CLDN16: variants seen among roughly 807,000 people sequenced by gnomAD.
The protein encoded by CLDN16 is claudin 16, also known as claudin-16.
CLDN16 carries 13 observed loss-of-function variants against 24.6 expected under a neutral mutation model. The observed-to-expected ratio is 0.53, with a 90% CI of 0.34 to 0.84. The LOEUF (loss-of-function observed/expected upper bound fraction) is 0.84, where lower values mean the gene tolerates loss of function less well. CLDN16 is among the 40% of genes least tolerant of loss of function. The probability of loss-of-function intolerance (pLI) is 0.01; values close to 1 mark genes in which losing one functional copy is unlikely to be tolerated. For missense variants in CLDN16, 298 were observed against 292.7 expected, an observed-to-expected ratio of 1.02 and a Z score of -0.13; for synonymous variants, 116 against 106.7, an observed-to-expected ratio of 1.09 and a Z score of -0.54.
chr3:190,322,467 G>T (rs1716956428), upstream of CLDN16: 6 of 536,460 alleles, frequency 1.1e-5, no homozygotes, highest in South Asian at 1.2e-4. Context: ...TGGGCGCCGC[G>T]ATTTAAAGCA....
At chr3:190,296,078 T>C in the CLDN16 span, among the ~76,000 whole-genome samples, 1 of 152,226 alleles carries the variant, frequency 6.6e-6, no homozygotes, top group Non-Finnish European at 1.5e-5. Flanking sequence ...TACTCTACCT[T>C]AATCATTATA....
chr3:190,316,018 C>T, the CLDN16 span, among the ~76,000 whole-genome samples: 1 of 152,190 alleles, frequency 6.6e-6, no homozygotes, highest in Non-Finnish European at 1.5e-5. Flanking sequence ...ACATTTGATT[C>T]GTGTCAAATC....
the CLDN16 span, among the ~76,000 whole-genome samples, chr3:190,304,898 A>G: frequency 1.5e-4 from 23 of 152,218 alleles, no homozygotes; most frequent in Non-Finnish European, 5.9e-5. Context: ...GAACAATGGC[A>G]TTCAGATAAG....
the CLDN16 span, among the ~76,000 whole-genome samples, chr3:190,311,260 C>T: frequency 2.0e-4 from 30 of 152,296 alleles, no homozygotes; most frequent in Admixed American, 2.6e-4. Flanking sequence ...TGCATTTCAT[C>T]CTCATCGTCT....
intron 1 of CLDN16, among the ~76,000 whole-genome samples, chr3:190,390,493 C>T (rs1215913925): frequency 6.6e-6 from 1 of 152,110 alleles, no homozygotes; most frequent in Admixed American, 6.6e-5. Flanking sequence ...GAGATTGTGC[C>T]ACTGCACTCC....
At chr3:190,323,538 A>G (rs1178347759) in intron 1 of CLDN16, among the ~76,000 whole-genome samples, 2 of 152,124 alleles carry the variant, frequency 1.3e-5, no homozygotes, top group African/African-American at 2.4e-5. Context: ...TGTTTTTCCA[A>G]CTGCTTTTTG....
At chr3:190,377,917 C>T (rs1718279805) in intron 3 of CLDN16, among the ~76,000 whole-genome samples, 1 of 151,926 alleles carries the variant, frequency 6.6e-6, no homozygotes, top group African/African-American at 2.4e-5. Context: ...TATCTCCAAA[C>T]TCCTTTCTAG....
intron 3 of CLDN16, among the ~76,000 whole-genome samples, chr3:190,378,755 A>G (rs921191886): frequency 1.3e-5 from 2 of 151,938 alleles, no homozygotes; most frequent in Non-Finnish European, 2.9e-5. Context: ...ACTCATCTAC[A>G]TTGGCTTTTG....
intron 1 of CLDN16, among the ~76,000 whole-genome samples, chr3:190,396,827 G>A (rs1373349283): frequency 2.0e-5 from 3 of 151,662 alleles, no homozygotes; most frequent in African/African-American, 7.3e-5. Flanking sequence ...CTTTAAAATG[G>A]GGCTTGAATA....
intron 4 of CLDN16, among the ~76,000 whole-genome samples, chr3:190,409,306 A>G (rs770979299): frequency 2.6e-5 from 4 of 152,124 alleles, no homozygotes; most frequent in Non-Finnish European, 4.4e-5. Flanking sequence ...ATGTATATGT[A>G]TGTATATATG....
chr3:190,394,142 A>C (rs961388486), intron 1 of CLDN16, among the ~76,000 whole-genome samples: 1 of 152,204 alleles, frequency 6.6e-6, no homozygotes, highest in African/African-American at 2.4e-5. Context: ...TATTTATCAA[A>C]TGCTCACATT....
At chr3:190,367,934 C>T (rs1156565683) in intron 1 of CLDN16, among the ~76,000 whole-genome samples, 2 of 151,920 alleles carry the variant, frequency 1.3e-5, no homozygotes, top group South Asian at 2.1e-4. Context: ...TGATTACATT[C>T]CCATAATCTT....
At chr3:190,302,789 T>A in the CLDN16 span, among the ~76,000 whole-genome samples, 74 of 143,196 alleles carry the variant, frequency 5.2e-4, no homozygotes, top group African/African-American at 1.8e-3. Flanking sequence ...AATATATATA[T>A]ATATATATAT....
intron 3 of CLDN16, among the ~76,000 whole-genome samples, chr3:190,382,996 T>C (rs1718404114): frequency 6.6e-6 from 1 of 152,068 alleles, no homozygotes; most frequent in South Asian, 2.1e-4. Context: ...CATAAGCTAG[T>C]GTAATAGGAT....
chr3:190,314,329 A>T, the CLDN16 span, among the ~76,000 whole-genome samples: 1 of 152,190 alleles, frequency 6.6e-6, no homozygotes, highest in South Asian at 2.1e-4. Context: ...ACTTCATTAA[A>T]TCTTGATTTA....
chr3:190,298,346 T>TAC, the CLDN16 span, among the ~76,000 whole-genome samples: 5 of 75,460 alleles, frequency 6.6e-5, no homozygotes, highest in South Asian at 6.1e-4. Flanking sequence ...ACATGTATAT[T>TAC]ATACACACAC....
chr3:190,410,017 C>T lies in CLDN16; in HGVS notation c.689C>T (p.Ala230Val). ...APRTETAKMY[A>V]VDTRV ...CGCACAGAGACGGCCAAAATGTATG[C>T]TGTAGACACAAGGGTGTAAAATGCA... The change falls in exon 5 of 5, where the codon GCT (alanine) becomes GTT (valine). Residue 230 changes from alanine (A) to valine (V), a missense_variant. Ala to Val is a moderately conservative substitution (Grantham distance 64). Transcript: ENST00000264734. 1 of 1,614,068 alleles carries T rather than the reference C, an allele frequency of 6.2e-7. No homozygotes were observed. Among genetic ancestry groups the T allele is most frequent in the Non-Finnish European group, 8.5e-7 (1 of 1,180,008 alleles).
At chr3:190,402,841 A>G (rs1718998520) in intron 2 of CLDN16, among the ~76,000 whole-genome samples, 2 of 152,276 alleles carry the variant, frequency 1.3e-5, no homozygotes, top group African/African-American at 4.8e-5. Flanking sequence ...GACTTAGTTC[A>G]AATAGAAAGT....
intron 1 of CLDN16, 39 bp downstream of exon 1, chr3:190,388,482 C>A (rs929445776): frequency 1.3e-6 from 2 of 1,591,010 alleles, no homozygotes; most frequent in African/African-American, 2.7e-5. Context: ...TCCAGGCCAG[C>A]CCAAATTTTC....
Sources: gnomAD v4.1 joint callset for allele counts (sites outside exome capture counted in the v4.1 genomes callset) on GRCh38, gnomAD v4.1.1 for gene constraint, MANE v1.5 for transcripts, NCBI Gene and HGNC (gene_info 2026-07-23, HGNC 2026-07-21) for gene names.